Variants in PTPRN2 observed in about 807,000 individuals in gnomAD.
PTPRN2 encodes protein tyrosine phosphatase receptor type N2, also known as receptor-type tyrosine-protein phosphatase N2.
Under a neutral mutation model 118.8 loss-of-function variants are expected in PTPRN2, and 74 were observed. The ratio of observed to expected loss-of-function variants is 0.62; its 90% CI spans 0.52 to 0.76. PTPRN2 has a LOEUF of 0.76. Ranked by LOEUF, PTPRN2 falls within the 30% of genes least tolerant of loss-of-function variation. PTPRN2 has a pLI of 0.00. For missense variants in PTPRN2, 1,481 were observed against 1,394.4 expected (o/e 1.06, Z -0.99); for synonymous variants, 641 against 608.0 (o/e 1.05, Z -0.80).
chr7:158,343,795 C>T lies in PTPRN2; in HGVS notation c.164-26863G>A, dbSNP rs1369542656. ...ACCCAACACCTGCAAGCAGGGCTCG[C>T]GCAGAGGCTCAGGCAGCCATGCTCG... On this transcript the variant is annotated intron_variant, in intron 2 of 22. Coordinates refer to ENST00000389418, the MANE Select transcript of PTPRN2 (RefSeq NM_002847.5). Among the ~76,000 whole-genome samples, 3 of 152,180 alleles carry T rather than the reference C, an allele frequency of 2.0e-5. No individual in the cohort carries two copies. In the East Asian group the frequency reaches 5.8e-4, roughly 30 times the overall value.
Position 157,763,586 on chromosome 7 carries a change from C to A in PTPRN2, c.1789-80649G>T, listed in dbSNP as rs1802275374. On this transcript the variant is annotated intron_variant, in intron 12 of 22. Transcript: ENST00000389418. This position sits in a 1 kb window ranked among gnomAD's most constrained non-coding sequence, Gnocchi z 4.9. ...AGTTGGGAGCAGCTGCCCCCCTGGC[C>A]ATGGGGGAAGGCCACGCCCCTAACC... Among the ~76,000 whole-genome samples the A allele has an allele frequency of 1.3e-5, 2 of 152,124 alleles. No individual in the cohort carries two copies. The highest frequency in any genetic ancestry group is 6.5e-5 in the Admixed American group (1 of 15,274).
At chr7:158,414,389 G>A (rs960317303) in intron 2 of PTPRN2, among the ~76,000 whole-genome samples, 10 of 152,262 alleles carry the variant, frequency 6.6e-5, no homozygotes, top group East Asian at 3.9e-4. Flanking sequence ...GTGCCCGGGC[G>A]GTTAACAATG....
chr7:157,550,535 G>A lies in PTPRN2; in HGVS notation c.2903-1516C>T, dbSNP rs1798544113. 6.6e-6 allele frequency among the ~76,000 whole-genome samples: 1 copy of A among 152,350 alleles called. No homozygotes were observed. Among genetic ancestry groups the A allele is most frequent in the East Asian group, 1.9e-4 (1 of 5,186 alleles). On this transcript the variant is annotated intron_variant, in intron 21 of 22. Transcript: ENST00000389418. The surrounding 1 kb of genome is among the most constrained non-coding windows in gnomAD (Gnocchi z 5.2). ...ACCACCCCACCTGCCCTGCCTGGCT[G>A]GTGGGTCTCCCCACCTTTGAGCACA... is the stretch of plus-strand genomic sequence containing the variant.
chr7:158,406,412 C>G (rs1813440501), intron 2 of PTPRN2, among the ~76,000 whole-genome samples: 1 of 141,486 alleles, frequency 7.1e-6, no homozygotes, highest in African/African-American at 2.7e-5. Context: ...ACACTGAGAT[C>G]CTGCAGTGGC....
At chr7:158,569,770 A>G (rs1827890402) in intron 1 of PTPRN2, among the ~76,000 whole-genome samples, 1 of 125,464 alleles carries the variant, frequency 8.0e-6, no homozygotes, top group Non-Finnish European at 1.7e-5. Flanking sequence ...ACTGACAGGA[A>G]CGCGGGGCGC....
chr7:158,073,123 A>C (rs1402674910), intron 11 of PTPRN2, among the ~76,000 whole-genome samples: 1 of 151,940 alleles, frequency 6.6e-6, no homozygotes, highest in African/African-American at 2.4e-5. Context: ...ACTCTCCATC[A>C]CCTTTGCACT....
At chr7:157,945,393 C>T (rs1408354516) in intron 11 of PTPRN2, among the ~76,000 whole-genome samples, 1 of 152,132 alleles carries the variant, frequency 6.6e-6, no homozygotes, top group Non-Finnish European at 1.5e-5. Flanking sequence ...CTCTGAAGGC[C>T]CTTCCATCCT....
At chr7:158,551,032 G>A (rs543876558) in intron 1 of PTPRN2, among the ~76,000 whole-genome samples, 5 of 152,228 alleles carry the variant, frequency 3.3e-5, no homozygotes, top group African/African-American at 7.2e-5. Context: ...CCGTGAGCAC[G>A]GGGCCCTTGG....
chr7:158,089,844 G>A (rs1195740103), intron 10 of PTPRN2, among the ~76,000 whole-genome samples: 15 of 119,486 alleles, frequency 1.3e-4, no homozygotes, highest in Non-Finnish European at 2.2e-4. Context: ...CTCCCCTGAT[G>A]AAAGAGGGAG....
chr7:157,568,731 C>T (rs1047671391), intron 21 of PTPRN2, among the ~76,000 whole-genome samples, 171 bp downstream of exon 21: 38 of 152,246 alleles, frequency 2.5e-4, no homozygotes, highest in Non-Finnish European at 2.2e-4. Context: ...TAACAAACGA[C>T]CAGCCTCAGA....
At chr7:158,339,652 CCAT>C (rs1170384441) in intron 2 of PTPRN2, among the ~76,000 whole-genome samples, 63 of 36,788 alleles carry the variant, frequency 1.7e-3, no homozygotes, top group African/African-American at 8.9e-3. Flanking sequence ...CACACTCTCA[CCAT>C]AAGAAGTGAC....
At chr7:158,353,260 T>C (rs919828523) in intron 2 of PTPRN2, among the ~76,000 whole-genome samples, 1 of 152,184 alleles carries the variant, frequency 6.6e-6, no homozygotes, top group Admixed American at 6.5e-5. Flanking sequence ...TTTTCCTTAA[T>C]AGAAAACAAC....
At chr7:158,062,695 A>C (rs999006267) in intron 11 of PTPRN2, among the ~76,000 whole-genome samples, 6 of 152,170 alleles carry the variant, frequency 3.9e-5, no homozygotes, top group Non-Finnish European at 8.8e-5. Flanking sequence ...GGCCCCAGGC[A>C]GTGAGGGGCT....
Position 157,726,744 on chromosome 7 carries a change from G to A in PTPRN2, c.1789-43807C>T, listed in dbSNP as rs547668764. Among the ~76,000 whole-genome samples the A allele has an allele frequency of 9.8e-4, 150 of 152,348 alleles. No individual in the cohort carries two copies. In the Middle Eastern group the frequency reaches 0.01, roughly 10 times the overall value. ...CCATATAAAGGGGGAAAAGATTTGC[G>A]AATCAAATTGCAGTGGGGGATTAAT... On this transcript the variant is annotated intron_variant, in intron 12 of 22. Transcript: ENST00000389418.
chr7:158,062,189 C>A (rs181879297), intron 11 of PTPRN2, among the ~76,000 whole-genome samples: 1 of 152,256 alleles, frequency 6.6e-6, no homozygotes, highest in African/African-American at 2.4e-5. Context: ...AGCAGAGGAG[C>A]GTTGGCCCAG....
intron 10 of PTPRN2, among the ~76,000 whole-genome samples, chr7:158,089,660 AGTCTTCACACAAACCTTCTTCCCCTG>A (rs1813862475): frequency 7.3e-6 from 1 of 136,906 alleles, no homozygotes; most frequent in Non-Finnish European, 1.6e-5. Context: ...TGAAAGGGGG[AGTCTTCACACAAACCTTCTTCCCCTG>A]ATGAAAGAGG....
At chr7:157,593,182 C>G (rs1316445133) in intron 17 of PTPRN2, among the ~76,000 whole-genome samples, 10 of 102,530 alleles carry the variant, frequency 9.8e-5, no homozygotes, top group African/African-American at 2.0e-4. Context: ...ACACCGAGAG[C>G]CTTCACACAG....
chr7:158,527,665 C>T (rs1345870466), intron 1 of PTPRN2, among the ~76,000 whole-genome samples: 4 of 152,160 alleles, frequency 2.6e-5, no homozygotes, highest in Admixed American at 6.5e-5. Flanking sequence ...GGCAGGGCTC[C>T]GAGGTGTGGG....
intron 11 of PTPRN2, among the ~76,000 whole-genome samples, chr7:158,067,686 A>G (rs1810879201): frequency 6.6e-6 from 1 of 151,972 alleles, no homozygotes; most frequent in Admixed American, 6.6e-5. Context: ...GCTGCCAGAG[A>G]CAAGGCGTGA....
Sources: gnomAD v4.1 joint callset for allele counts (sites outside exome capture counted in the v4.1 genomes callset) on GRCh38, gnomAD v4.1.1 for gene constraint, Gnocchi (gnomAD v3.1) non-coding constraint, MANE v1.5 for transcripts, NCBI Gene and HGNC (gene_info 2026-07-23, HGNC 2026-07-21) for gene names.